The following SMG1 variants were observed in gnomAD, a reference collection of about 807,000 sequenced individuals.
The protein encoded by SMG1 is serine/threonine-protein kinase SMG1.
In SMG1, 22 loss-of-function variants were observed where a neutral mutation model predicts 419.9. The observed-to-expected ratio is 0.05, with a 90% CI of 0.04 to 0.07. SMG1 has a LOEUF of 0.07. Among genes scored for constraint, SMG1 ranks in the 10% least tolerant of loss-of-function variants. SMG1 has a pLI of 1.00. For synonymous variants in SMG1, 1,538 were observed against 1,553.5 expected (o/e 0.99, Z 0.23); for missense variants, 3,185 against 4,342.0 (o/e 0.73, Z 7.49).
intron 36 of SMG1, 80 bp from the exon 37 acceptor site, chr16:18,848,113 A>T (rs2034372393): frequency 8.3e-7 from 1 of 1,201,810 alleles, no homozygotes; most frequent in African/African-American, 1.5e-5. Flanking sequence ...AACACTGATA[A>T]TCTATTTGAC....
Position 18,835,152 on chromosome 16 carries a change from T to A in SMG1, c.8070A>T (p.Gln2690His). 1 of 1,607,414 alleles carries A rather than the reference T, an allele frequency of 6.2e-7. No individual in the cohort carries two copies. The highest frequency in any genetic ancestry group is 1.1e-5 in the South Asian group (1 of 90,958). ...CQELYRKYEM[Q>H]YAPQPPPTVC... is the part of the protein sequence containing the mutation. ...CTGTTGGGGGTGGCTGGGGAGCATATTGCATTTCATATCTATAAAAATAAG... is the reference window on the plus strand; with the variant it reads ...CTGTTGGGGGTGGCTGGGGAGCATAATGCATTTCATATCTATAAAAATAAG... Residue 2690 changes from glutamine to histidine, a missense_variant, in exon 49 of 63, where the codon CAA (glutamine) becomes CAT (histidine). Physicochemically the swap from Gln to His is conservative, Grantham distance 24. Transcript: ENST00000446231.
intron 54 of SMG1, 34 bp downstream of exon 54, chr16:18,829,252 T>C: frequency 6.5e-7 from 1 of 1,541,352 alleles, no homozygotes; most frequent in Non-Finnish European, 8.8e-7. Context: ...TTTCCTACCT[T>C]GAGGAAAAAC....
In SMG1 at chr16:18,836,444, T is replaced by C. The variant is rs767813505; in HGVS notation, c.7693A>G (p.Thr2565Ala). The C allele has an allele frequency of 3.7e-6, 6 of 1,614,064 alleles. No homozygotes were observed. The Admixed American group carries it at 8.3e-5, about 22-fold the overall frequency. ...VKLNEFEQWITHYQAAFNNLE... is the reference protein window; with the variant it reads ...VKLNEFEQWIAHYQAAFNNLE... ...TTATTGAATGCAGCCTGATAATGTGTTATCCATTGTTCAAATTCATTCAGC... is the reference window on the plus strand; with the variant it reads ...TTATTGAATGCAGCCTGATAATGTGCTATCCATTGTTCAAATTCATTCAGC... Residue 2565 changes from threonine to alanine, a missense_variant, in exon 47 of 63, where the codon ACA becomes GCA. This residue lies in a region of SMG1 where 412 missense variants were observed against 546.6 expected (regional missense o/e 0.75). Transcript: ENST00000446231.
chr16:18,876,667 T>TG (rs1407524046), intron 12 of SMG1, among the ~76,000 whole-genome samples: 1 of 127,886 alleles, frequency 7.8e-6, no homozygotes, highest in Non-Finnish European at 1.8e-5. Context: ...AATGGCCGTT[T>TG]TTTTTTTTTT....
chr16:18,911,557 T>C (rs1442309663), intron 1 of SMG1: 2 of 152,130 alleles, frequency 1.3e-5, no homozygotes, highest in African/African-American at 4.8e-5. Context: ...GAGCAATTAA[T>C]TCTATCTCCA....
intron 51 of SMG1, among the ~76,000 whole-genome samples, chr16:18,832,497 A>T (rs2033256902): frequency 6.6e-6 from 1 of 152,154 alleles, no homozygotes; most frequent in Non-Finnish European, 1.5e-5. Context: ...GCTTAAAAAT[A>T]TCATGTTCGA....
At chr16:18,868,858 A>C in intron 20 of SMG1, 139 bp from the exon 21 acceptor site, 1 of 653,068 alleles carries the variant, frequency 1.5e-6, no homozygotes, top group South Asian at 2.1e-5. Flanking sequence ...CCCAACATGA[A>C]AGATCTTTCA....
At chr16:18,834,536 G>A (rs2033427692) in intron 49 of SMG1, 98 bp from the exon 50 acceptor site, 9 of 1,170,940 alleles carry the variant, frequency 7.7e-6, no homozygotes, top group Non-Finnish European at 9.6e-6. Flanking sequence ...CAGCATTTTG[G>A]GAGGCCGAGG....
intron 2 of SMG1, among the ~76,000 whole-genome samples, chr16:18,896,486 G>A (rs1416191188): frequency 1.3e-5 from 2 of 152,230 alleles, no homozygotes; most frequent in East Asian, 3.9e-4. Flanking sequence ...CTTTCTTGAA[G>A]TTTAGAGATA....
intron 22 of SMG1, among the ~76,000 whole-genome samples, 171 bp from the exon 23 acceptor site, chr16:18,866,946 A>G (rs1263342841): frequency 1.3e-5 from 2 of 152,228 alleles, no homozygotes; most frequent in Non-Finnish European, 2.9e-5. Flanking sequence ...CATATAAAAT[A>G]GCCACAAAGG....
chr16:18,864,387 G>A (rs2967206), intron 23 of SMG1, among the ~76,000 whole-genome samples: 27,829 of 151,614 alleles, frequency 0.18, 2,647 homozygotes, highest in Middle Eastern at 0.25. Context: ...TAGTAGAGAC[G>A]GGGTTTCACC....
chr16:18,911,891 G>A (rs2037806522), intron 1 of SMG1, among the ~76,000 whole-genome samples: 1 of 152,144 alleles, frequency 6.6e-6, no homozygotes, highest in East Asian at 2.0e-4. Context: ...AGACCAGCCT[G>A]GCCAACATGG....
At chr16:18,834,155 C>T (rs1346307149) in intron 50 of SMG1, 49 bp downstream of exon 50, 1 of 1,346,292 alleles carries the variant, frequency 7.4e-7, no homozygotes, top group Non-Finnish European at 1.0e-6. Context: ...ATGAGAAAGA[C>T]AATATTCAGT....
In SMG1 at chr16:18,854,833, C is replaced by G; in HGVS notation, c.4306G>C (p.Gly1436Arg). 1 of 1,613,998 alleles carries G rather than the reference C, an allele frequency of 6.2e-7. No homozygotes were observed. The highest frequency in any genetic ancestry group is 8.5e-7 in the Non-Finnish European group (1 of 1,179,882). ...AGTCTTGTTGCAAGGGACACATTCC[C>G]TCGTTTTCTAGCAAATTTTGCTGCT... ...LTAAKFARKR[G>R]NVSLATRLLA... The change falls in exon 30 of 63, where the codon GGG (glycine) becomes CGG (arginine). Residue 1436 changes from glycine to arginine, a missense_variant. Gly to Arg is a moderately radical substitution (Grantham distance 125). Around this residue, in one of 27 missense-constraint regions of SMG1, gnomAD observed 493 missense variants for 552.9 expected, o/e 0.89. Transcript: ENST00000446231.
In SMG1 at chr16:18,926,199, A is replaced by C. The variant is rs1350250431; in HGVS notation, c.-158T>G. On this transcript the variant is annotated 5_prime_UTR_variant, in exon 1 of 63. Coordinates refer to ENST00000446231, the MANE Select transcript of SMG1 (RefSeq NM_015092.5). ...GAGGAGGAGAAGGAGGAGGCGGCGG[A>C]GGGCGGGGGAAGAGGACGGCCGTTC... The C allele has an allele frequency of 1.7e-5, 11 of 634,112 alleles. No individual in the cohort carries two copies. Among genetic ancestry groups the C allele is most frequent in the East Asian group, 3.3e-5 (1 of 30,348 alleles). The allele number at this position is 634,112 out of a possible 1,614,324, so 39.3% of individuals were successfully genotyped here.
chr16:18,912,516 GAAC>G (rs939401027), intron 1 of SMG1, among the ~76,000 whole-genome samples: 4 of 151,886 alleles, frequency 2.6e-5, no homozygotes, highest in Non-Finnish European at 4.4e-5. Flanking sequence ...AGAGTGGGGA[GAAC>G]AATAATGATT....
At chr16:18,916,862 G>C in intron 1 of SMG1, among the ~76,000 whole-genome samples, 1 of 152,084 alleles carries the variant, frequency 6.6e-6, no homozygotes, top group Non-Finnish European at 1.5e-5. Flanking sequence ...AGGAGCCTCA[G>C]GGATTTGTTT....
intron 6 of SMG1, among the ~76,000 whole-genome samples, chr16:18,887,761 GTAA>G (rs2036690169): frequency 1.8e-4 from 1 of 5,552 alleles, no homozygotes; most frequent in Non-Finnish European, 3.1e-4. Context: ...ATCAAAAACA[GTAA>G]AAAAAAAAAA....
chr16:18,877,096 A>C, intron 12 of SMG1, 35 bp downstream of exon 12: 4 of 1,468,554 alleles, frequency 2.7e-6, no homozygotes, highest in Non-Finnish European at 3.7e-6. Context: ...TCAGTGACTC[A>C]AGTTGTCAAA....
Sources: allele counts gnomAD v4.1 joint callset (sites outside exome capture counted in the v4.1 genomes callset), GRCh38; gene constraint gnomAD v4.1.1; regional missense constraint gnomAD v4.1.1; transcripts MANE v1.5; gene names NCBI Gene and HGNC (gene_info 2026-07-23, HGNC 2026-07-21).